The following SRC variants were observed in gnomAD, a reference collection of about 807,000 sequenced individuals.
SRC encodes the protein SRC proto-oncogene, non-receptor tyrosine kinase.
In SRC, 13 loss-of-function variants were observed where a neutral mutation model predicts 62.9. That is an observed-to-expected ratio of 0.21 (90% CI 0.13 to 0.33). SRC has a LOEUF of 0.33. Ranked by LOEUF, SRC falls within the 10% of genes least tolerant of loss-of-function variation. The probability of loss-of-function intolerance (pLI) is 1.00; values close to 1 mark genes in which losing one functional copy is unlikely to be tolerated. For missense variants in SRC, 457 were observed against 737.3 expected (o/e 0.62, Z 4.40); for synonymous variants, 302 against 317.5 (o/e 0.95, Z 0.52).
chr20:37,385,162 GCATT>G (rs1286603669), intron 4 of SRC, among the ~76,000 whole-genome samples: 5 of 110,074 alleles, frequency 4.5e-5, no homozygotes, highest in Non-Finnish European at 8.6e-5. Context: ...CGTCAGAAGC[GCATT>G]CAGAGACACA....
chr20:37,404,056 G>C lies in SRC; in HGVS notation c.*677G>C, dbSNP rs759196196. 3.4e-5 allele frequency: 8 copies of C among 234,446 alleles called. No individual in the cohort carries two copies. Among genetic ancestry groups the C allele is most frequent in the Admixed American group, 5.6e-5 (1 of 17,918 alleles). 14.5% of individuals were successfully genotyped at this position (234,446 alleles called of 1,614,324 possible). On this transcript the variant is annotated 3_prime_UTR_variant, in exon 14 of 14. Transcript: ENST00000373578. Reference sequence around the variant, plus strand: ...CCCCCATTTCACCCATGGGGAGACAGTTGAGAGCGGGGATGTGACATGCCC... The same window carrying C: ...CCCCCATTTCACCCATGGGGAGACACTTGAGAGCGGGGATGTGACATGCCC...
At chr20:37,381,657 G>A (rs73903500) in intron 2 of SRC, among the ~76,000 whole-genome samples, 1,887 of 152,290 alleles carry the variant, frequency 0.012, 44 homozygotes, top group African/African-American at 0.044. Context: ...TACTATAAAT[G>A]CTGCACCAGG....
intron 2 of SRC, among the ~76,000 whole-genome samples, chr20:37,370,404 G>T (rs1341824070): frequency 6.6e-6 from 1 of 152,146 alleles, no homozygotes; most frequent in Non-Finnish European, 1.5e-5. Flanking sequence ...GCGAAACCTT[G>T]TTTCTACTAA....
At chr20:37,393,383 T>C (rs894724135) in intron 5 of SRC, among the ~76,000 whole-genome samples, 1 of 152,194 alleles carries the variant, frequency 6.6e-6, no homozygotes, top group African/African-American at 2.4e-5. Context: ...CCTGCTTGCC[T>C]CCACCCAGGT....
At chr20:37,354,133 AT>A (rs1175155825) in intron 1 of SRC, among the ~76,000 whole-genome samples, 7 of 152,226 alleles carry the variant, frequency 4.6e-5, no homozygotes, top group Admixed American at 4.6e-4. Flanking sequence ...AGGAAATAGC[AT>A]CCGCCAGGTC....
chr20:37,382,000 G>A (rs1600993436), intron 2 of SRC, among the ~76,000 whole-genome samples: 1 of 152,170 alleles, frequency 6.6e-6, no homozygotes. Context: ...GGGCACAGGG[G>A]ACAGGCTGAA....
intron 1 of SRC, among the ~76,000 whole-genome samples, chr20:37,349,624 A>G (rs529357686): frequency 1.3e-5 from 2 of 152,210 alleles, no homozygotes; most frequent in South Asian, 2.1e-4. Context: ...GCGCTGTTGC[A>G]TTGGACAGGT....
At chr20:37,368,526 T>TTTTTTTTTTTTTTTTTTG (rs1800044506) in intron 2 of SRC, among the ~76,000 whole-genome samples, 1 of 126,372 alleles carries the variant, frequency 7.9e-6, no homozygotes, top group Non-Finnish European at 1.6e-5. Flanking sequence ...TTCTTTTTTT[T>TTTTTTTTTTTTTTTTTTG]TTTTTTTTTT....
intron 7 of SRC, among the ~76,000 whole-genome samples, chr20:37,395,789 G>C (rs2070635854): frequency 6.6e-6 from 1 of 152,238 alleles, no homozygotes; most frequent in African/African-American, 2.4e-5. Context: ...TGTGTGCCGG[G>C]CCCTTCTATA....
chr20:37,399,746 A>G (rs955439425), intron 9 of SRC, among the ~76,000 whole-genome samples: 2 of 152,052 alleles, frequency 1.3e-5, no homozygotes, highest in Non-Finnish European at 2.9e-5. Context: ...GGGTTTCACC[A>G]TGTTGGCCAG....
Position 37,397,564 on chromosome 20 carries a change from A to G in SRC, c.704-135A>G. The G allele has an allele frequency of 3.3e-6, 4 of 1,218,818 alleles. No individual in the cohort carries two copies. The highest frequency in any genetic ancestry group is 4.4e-6 in the Non-Finnish European group (4 of 910,194). The allele number at this position is 1,218,818 out of a possible 1,614,324, so 75.5% of individuals were successfully genotyped here. A position where few individuals can be genotyped will look rare whatever the true frequency, so the allele number is the denominator to read the frequency against. ...TGGGGCTGTGTGCACACAGATGTAG[A>G]TGCCTGGCTTTGAGGGCACCCTGCG... On this transcript the variant is annotated intron_variant, in intron 8 of 13. Coordinates refer to ENST00000373578, the MANE Select transcript of SRC (RefSeq NM_198291.3). The surrounding 1 kb of genome is among the most constrained non-coding windows in gnomAD (Gnocchi z 4.1).
chr20:37,368,743 G>A (rs2070115935), intron 2 of SRC, among the ~76,000 whole-genome samples: 1 of 150,906 alleles, frequency 6.6e-6, no homozygotes, highest in Non-Finnish European at 1.5e-5. Context: ...AGTAGAGACG[G>A]GGTTTCACCG....
At chr20:37,367,924 A>G (rs770696864) in intron 2 of SRC, among the ~76,000 whole-genome samples, 1 of 152,186 alleles carries the variant, frequency 6.6e-6, no homozygotes, top group East Asian at 1.9e-4. Flanking sequence ...GATTACATGC[A>G]TGAGCCACTG....
chr20:37,403,292 G>A lies in SRC; in HGVS notation c.1524G>A (p.Glu508=). 1 of 1,602,766 alleles carries A rather than the reference G, an allele frequency of 6.2e-7. No individual in the cohort carries two copies. The highest frequency in any genetic ancestry group is 2.2e-5 in the East Asian group (1 of 44,540). The change falls in exon 14 of 14, where the codon GAG becomes GAA. Residue 508 remains glutamate, a synonymous_variant. Transcript: ENST00000373578. The surrounding 1 kb of genome is among the most constrained non-coding windows in gnomAD (Gnocchi z 7.1). ...MCQCWRKEPE[E]RPTFEYLQAF... ...AGTGCTGGCGGAAGGAGCCTGAGGA[G>A]CGGCCCACCTTCGAGTACCTGCAGG... is the stretch of plus-strand genomic sequence containing the variant.
intron 3 of SRC, among the ~76,000 whole-genome samples, chr20:37,383,249 C>T (rs188526215): frequency 3.0e-4 from 45 of 152,264 alleles, no homozygotes; most frequent in Non-Finnish European, 5.4e-4. Flanking sequence ...GAGTTGAGAA[C>T]GGAAGGAGGC....
At chr20:37,373,335 T>C (rs1449569755) in intron 2 of SRC, among the ~76,000 whole-genome samples, 1 of 150,724 alleles carries the variant, frequency 6.6e-6, no homozygotes, top group East Asian at 1.9e-4. Context: ...CATACACACA[T>C]GTACACACAC....
chr20:37,397,567 C>A lies in SRC; in HGVS notation c.704-132C>A. The A allele has an allele frequency of 7.9e-7, 1 of 1,260,126 alleles. No individual in the cohort carries two copies. The highest frequency in any genetic ancestry group is 1.1e-6 in the Non-Finnish European group (1 of 947,470). 78.1% of individuals were successfully genotyped at this position (1,260,126 alleles called of 1,614,324 possible). A position where few individuals can be genotyped will look rare whatever the true frequency, so the allele number is the denominator to read the frequency against. ...GGCTGTGTGCACACAGATGTAGATG[C>A]CTGGCTTTGAGGGCACCCTGCGTGT... On this transcript the variant is annotated intron_variant, in intron 8 of 13. Coordinates refer to ENST00000373578, the MANE Select transcript of SRC (RefSeq NM_198291.3). The surrounding 1 kb of genome is among the most constrained non-coding windows in gnomAD (Gnocchi z 4.1).
intron 2 of SRC, among the ~76,000 whole-genome samples, chr20:37,373,359 T>C (rs1302941329): frequency 1.3e-5 from 2 of 150,498 alleles, no homozygotes; most frequent in African/African-American, 2.5e-5. Flanking sequence ...TGTACATATA[T>C]ACACATACAC....
chr20:37,354,544 G>A (rs2069852243), intron 1 of SRC, among the ~76,000 whole-genome samples: 1 of 152,154 alleles, frequency 6.6e-6, no homozygotes, highest in Non-Finnish European at 1.5e-5. Context: ...ATCTTATCCC[G>A]CCAGTGTGTC....
Sources: allele counts gnomAD v4.1 joint callset (sites outside exome capture counted in the v4.1 genomes callset), GRCh38; gene constraint gnomAD v4.1.1; non-coding constraint Gnocchi (gnomAD v3.1); transcripts MANE v1.5; gene names NCBI Gene and HGNC (gene_info 2026-07-23, HGNC 2026-07-21).